TENM3: variants seen among roughly 807,000 people sequenced by gnomAD.
TENM3 encodes the protein teneurin-3.
A neutral mutation model predicts 255.1 loss-of-function variants in TENM3; 63 were observed. The observed-to-expected ratio is 0.25, with a 90% CI of 0.20 to 0.30. TENM3 has a LOEUF of 0.30. Ranked by LOEUF, TENM3 falls within the 10% of genes least tolerant of loss-of-function variation. The probability of loss-of-function intolerance (pLI) is 1.00; values close to 1 mark genes in which losing one functional copy is unlikely to be tolerated. For synonymous variants in TENM3, 1,306 were observed against 1,322.3 expected (o/e 0.99, Z 0.27); for missense variants, 2,929 against 3,461.1 (o/e 0.85, Z 3.86).
At chr4:181,738,856 T>TA in the TENM3 span, among the ~76,000 whole-genome samples, 18 of 152,144 alleles carry the variant, frequency 1.2e-4, no homozygotes, top group Non-Finnish European at 1.9e-4. Context: ...ATGTATCTAT[T>TA]ATTTCCCAAG....
At chr4:182,045,625 A>G in the TENM3 span, among the ~76,000 whole-genome samples, 1 of 152,304 alleles carries the variant, frequency 6.6e-6, no homozygotes, top group Non-Finnish European at 1.5e-5. Flanking sequence ...TAGTGAAAAA[A>G]TGGCAGAAAT....
At chr4:182,084,588 C>A in the TENM3 span, among the ~76,000 whole-genome samples, 2 of 152,018 alleles carry the variant, frequency 1.3e-5, no homozygotes, top group African/African-American at 2.4e-5. Flanking sequence ...CTTTATTGAA[C>A]CTTACTTGTT....
chr4:181,765,270 A>G, the TENM3 span, among the ~76,000 whole-genome samples: 1 of 152,116 alleles, frequency 6.6e-6, no homozygotes, highest in Admixed American at 6.5e-5. Context: ...ATTATGTATT[A>G]TGTGTAAAGT....
At chr4:181,701,493 G>T in the TENM3 span, among the ~76,000 whole-genome samples, 1 of 152,058 alleles carries the variant, frequency 6.6e-6, no homozygotes, top group Non-Finnish European at 1.5e-5. Flanking sequence ...TAATAGCCAA[G>T]GGCAAGCACT....
At chr4:181,979,255 A>G in the TENM3 span, among the ~76,000 whole-genome samples, 1 of 148,778 alleles carries the variant, frequency 6.7e-6, no homozygotes, top group Middle Eastern at 3.4e-3. Flanking sequence ...TTATGTTTGT[A>G]TTGCAGTAAT....
At chr4:181,934,164 T>C in the TENM3 span, among the ~76,000 whole-genome samples, 1 of 152,028 alleles carries the variant, frequency 6.6e-6, no homozygotes, top group Admixed American at 6.6e-5. Context: ...ATGGACCTGA[T>C]AGAGGGTAAG....
chr4:182,724,902 C>T (rs1760040964), intron 13 of TENM3, among the ~76,000 whole-genome samples: 1 of 152,184 alleles, frequency 6.6e-6, no homozygotes. Context: ...TTCTCCCAAG[C>T]ATATGTACCC....
At chr4:181,952,201 T>C in the TENM3 span, among the ~76,000 whole-genome samples, 1 of 152,228 alleles carries the variant, frequency 6.6e-6, no homozygotes, top group South Asian at 2.1e-4. Context: ...TGGAAGCAAA[T>C]CATCGTGTGT....
chr4:181,884,791 C>T, the TENM3 span, among the ~76,000 whole-genome samples: 2 of 151,972 alleles, frequency 1.3e-5, no homozygotes, highest in Admixed American at 6.6e-5. Flanking sequence ...CTTAAAAAGC[C>T]CTACAATTCA....
In TENM3 at chr4:182,665,250, A is replaced by G. The variant is rs529494764; in HGVS notation, c.1112-7755A>G. 2.6e-5 allele frequency among the ~76,000 whole-genome samples: 4 copies of G among 152,328 alleles called. No individual in the cohort carries two copies. In the East Asian group the frequency reaches 7.7e-4, roughly 29 times the overall value. ...TAATTCTACTCTGCCTGTGCTCTAT[A>G]AATGGAACAACAAAGCCTGGATGAC... On this transcript the variant is annotated intron_variant, in intron 6 of 27. Coordinates refer to ENST00000511685, the MANE Select transcript of TENM3 (RefSeq NM_001080477.4).
At chr4:182,262,793 A>C (rs1395232730) in intron 1 of TENM3, among the ~76,000 whole-genome samples, 2 of 144,018 alleles carry the variant, frequency 1.4e-5, no homozygotes, top group Non-Finnish European at 1.5e-5. Flanking sequence ...AGCTCACTCC[A>C]AGCTCCGCCT....
intron 24 of TENM3, among the ~76,000 whole-genome samples, chr4:182,783,355 C>T (rs1196353431): frequency 6.6e-6 from 1 of 151,634 alleles, no homozygotes. Flanking sequence ...GTTGAAAATT[C>T]TTTTCTTTAA....
chr4:182,701,210 C>CTTTTTTTTTTTTTTTTTTTTT lies in TENM3; in HGVS notation c.2221+12867_2222-12849dup, dbSNP rs35538818. ...TTTTCACATACAGTCCAACTCTTGACTTTTTTTTTTTTTTTTTTTTTTTTT... is the reference window on the plus strand; with the variant it reads ...TTTTCACATACAGTCCAACTCTTGACTTTTTTTTTTTTTTTTTTTTTTTTTTTTTTTTTTTTTTTTTTTTTT... On this transcript the variant is annotated intron_variant, in intron 12 of 27. Coordinates refer to ENST00000511685, the MANE Select transcript of TENM3 (RefSeq NM_001080477.4). 3.5e-3 allele frequency among the ~76,000 whole-genome samples: 135 copies of CTTTTTTTTTTTTTTTTTTTTT among 38,666 alleles called. 52 individuals are homozygous for CTTTTTTTTTTTTTTTTTTTTT. The highest frequency in any genetic ancestry group is 5.3e-3 in the African/African-American group (44 of 8,366). 25.4% of individuals were successfully genotyped at this position (38,666 alleles called of 152,430 possible). A position where few individuals can be genotyped will look rare whatever the true frequency, so the allele number is the denominator to read the frequency against.
chr4:182,574,914 G>A (rs1457958995), intron 3 of TENM3, among the ~76,000 whole-genome samples: 3 of 152,042 alleles, frequency 2.0e-5, no homozygotes, highest in Non-Finnish European at 2.9e-5. Flanking sequence ...CTTACATCTG[G>A]CTGTCTTTAC....
chr4:181,853,895 C>T, the TENM3 span, among the ~76,000 whole-genome samples: 5 of 152,126 alleles, frequency 3.3e-5, no homozygotes, highest in African/African-American at 7.2e-5. Context: ...ATGCTGTAAG[C>T]GTAAGATCTC....
chr4:182,156,812 T>C (rs1363024052), intron 1 of TENM3, among the ~76,000 whole-genome samples: 1 of 152,144 alleles, frequency 6.6e-6, no homozygotes, highest in Non-Finnish European at 1.5e-5. Flanking sequence ...TTCACTCAAA[T>C]CCAGCCCCAC....
intron 1 of TENM3, among the ~76,000 whole-genome samples, chr4:182,264,668 T>C (rs1759122990): frequency 6.6e-6 from 1 of 152,204 alleles, no homozygotes; most frequent in Admixed American, 6.5e-5. Context: ...CATGACCTTG[T>C]CTTTTCTCTT....
the TENM3 span, among the ~76,000 whole-genome samples, chr4:181,827,933 C>CA: frequency 6.6e-6 from 1 of 152,092 alleles, no homozygotes; most frequent in African/African-American, 2.4e-5. Flanking sequence ...GGAACCAATT[C>CA]ATTAAAAAAA....
the TENM3 span, among the ~76,000 whole-genome samples, chr4:181,789,679 CG>C: frequency 1.3e-5 from 2 of 152,186 alleles, no homozygotes; most frequent in Non-Finnish European, 2.9e-5. Context: ...TTTTCAGCCC[CG>C]CCTACCAACC....
Sources: allele counts gnomAD v4.1 joint callset (sites outside exome capture counted in the v4.1 genomes callset), GRCh38; gene constraint gnomAD v4.1.1; transcripts MANE v1.5; gene names NCBI Gene and HGNC (gene_info 2026-07-23, HGNC 2026-07-21).